ZKSCAN5: variants seen among roughly 807,000 people sequenced by gnomAD.
ZKSCAN5 encodes the protein zinc finger protein with KRAB and SCAN domains 5.
ZKSCAN5 carries 28 observed loss-of-function variants against 60.0 expected under a neutral mutation model. The ratio of observed to expected loss-of-function variants is 0.47; its 90% CI spans 0.35 to 0.64. ZKSCAN5 has a LOEUF of 0.64. ZKSCAN5 is among the 30% of genes least tolerant of loss of function. ZKSCAN5 has a pLI of 0.01. For missense variants in ZKSCAN5, 881 were observed against 1,034.6 expected, an observed-to-expected ratio of 0.85 and a Z score of 2.04; for synonymous variants, 361 against 371.2, an observed-to-expected ratio of 0.97 and a Z score of 0.31.
intron 2 of ZKSCAN5, 74 bp downstream of exon 2, chr7:99,506,532 A>G: frequency 6.7e-7 from 1 of 1,486,616 alleles, no homozygotes. Context: ...TGAGATTCTT[A>G]GTCCTCTGCT....
At position 99,533,759 on chromosome 7, in the gene ZKSCAN5, C is replaced by A; in HGVS notation, c.*1510C>A. On this transcript the variant is annotated 3_prime_UTR_variant, in exon 7 of 7. Transcript: ENST00000326775. Reference sequence around the variant, plus strand: ...CCTTCATCCGTGCTAAGCTCTCTCCCTTCTCTATCCTGTTTCATTCCCTCC... The same window carrying A: ...CCTTCATCCGTGCTAAGCTCTCTCCATTCTCTATCCTGTTTCATTCCCTCC... The A allele has an allele frequency of 2.5e-6, 1 of 397,786 alleles. No homozygotes were observed. The highest frequency in any genetic ancestry group is 1.4e-4 in the South Asian group (1 of 7,116). The allele number at this position is 397,786 out of a possible 1,614,324, so 24.6% of individuals were successfully genotyped here. A position where few individuals can be genotyped will look rare whatever the true frequency, so the allele number is the denominator to read the frequency against.
At chr7:99,520,475 T>G (rs1156275787) in intron 5 of ZKSCAN5, among the ~76,000 whole-genome samples, 171 bp downstream of exon 5, 1 of 152,102 alleles carries the variant, frequency 6.6e-6, no homozygotes, top group Non-Finnish European at 1.5e-5. Flanking sequence ...CTTATTCAGT[T>G]TATTCTGATC....
rs369696699 is a variant in ZKSCAN5 at position 99,531,820 on chromosome 7, A to G, written c.2091A>G (p.Ala697=). 4.5e-5 allele frequency: 72 copies of G among 1,614,110 alleles called. No individual in the cohort carries two copies. Among genetic ancestry groups the G allele is most frequent in the Non-Finnish European group, 5.8e-5 (68 of 1,180,054 alleles). ...KNEKNGICEE[A]YSWNLTVIED... is the part of the protein sequence containing the mutation. ...AAAAAAATGGCATCTGTGAGGAAGCATATAGTTGGAACTTGACAGTGATTG... is the reference window on the plus strand; with the variant it reads ...AAAAAAATGGCATCTGTGAGGAAGCGTATAGTTGGAACTTGACAGTGATTG... The change falls in exon 7 of 7, where the codon GCA becomes GCG. Residue 697 remains alanine (A), a synonymous_variant. Coordinates refer to ENST00000326775, the MANE Select transcript of ZKSCAN5 (RefSeq NM_145102.4).
At chr7:99,523,300 C>T (rs1801626803) in intron 5 of ZKSCAN5, among the ~76,000 whole-genome samples, 1 of 151,800 alleles carries the variant, frequency 6.6e-6, no homozygotes, top group Admixed American at 6.6e-5. Flanking sequence ...AGACATGTCT[C>T]CACTGAGAGA....
chr7:99,518,768 T>A (rs1316309321), intron 3 of ZKSCAN5, among the ~76,000 whole-genome samples: 1 of 130,800 alleles, frequency 7.6e-6, no homozygotes, highest in Non-Finnish European at 1.6e-5. Context: ...CTCCGCCTCC[T>A]GGGTTCAAGT....
intron 2 of ZKSCAN5, among the ~76,000 whole-genome samples, chr7:99,511,380 G>C (rs1801017158): frequency 6.6e-6 from 1 of 152,038 alleles, no homozygotes; most frequent in Non-Finnish European, 1.5e-5. Flanking sequence ...TCACACACTG[G>C]CCTTCTCATG....
chr7:99,519,320 C>T (rs1020951743), intron 3 of ZKSCAN5, among the ~76,000 whole-genome samples: 1 of 145,438 alleles, frequency 6.9e-6, no homozygotes, highest in African/African-American at 2.5e-5. Flanking sequence ...CTCTGTTGCC[C>T]AGGCTGGAGT....
chr7:99,530,494 C>T (rs890700550), intron 6 of ZKSCAN5, among the ~76,000 whole-genome samples: 1 of 151,874 alleles, frequency 6.6e-6, no homozygotes, highest in Non-Finnish European at 1.5e-5. Flanking sequence ...TGTCATTTGC[C>T]TACTTTTTGA....
In ZKSCAN5 at chr7:99,533,074, C is replaced by T. The variant is rs545680974; in HGVS notation, c.*825C>T. The T allele has an allele frequency of 9.9e-6, 3 of 303,190 alleles. No individual in the cohort carries two copies. The highest frequency in any genetic ancestry group is 2.1e-5 in the African/African-American group (1 of 46,980). The allele number at this position is 303,190 out of a possible 1,614,324, so 18.8% of individuals were successfully genotyped here. ...GGACTGTTTGATCTTGTATTACCCA[C>T]AGGAATGAGGGCAGCTAAACCCATA... On this transcript the variant is annotated 3_prime_UTR_variant, in exon 7 of 7. Coordinates refer to ENST00000326775, the MANE Select transcript of ZKSCAN5 (RefSeq NM_145102.4).
intron 3 of ZKSCAN5, among the ~76,000 whole-genome samples, chr7:99,519,056 A>G (rs190749929): frequency 1.4e-5 from 2 of 147,962 alleles, no homozygotes; most frequent in East Asian, 4.0e-4. Flanking sequence ...GCTCACTGTA[A>G]CCTCCACCTC....
At position 99,520,191 on chromosome 7, in the gene ZKSCAN5, T is replaced by C. The variant is rs765349514; in HGVS notation, c.659T>C (p.Val220Ala). 1 of 1,613,592 alleles carries C rather than the reference T, an allele frequency of 6.2e-7. No homozygotes were observed. Among genetic ancestry groups the C allele is most frequent in the Admixed American group, 1.7e-5 (1 of 59,798 alleles). ...CAGAAGTTGGTGAAAATTGAAGAGG[T>C]GGCTGATGTGGCTGTATCCTTCATC... ...GSQKLVKIEE[V>A]ADVAVSFILE... The change falls in exon 5 of 7, where the codon GTG becomes GCG. Residue 220 changes from valine (V) to alanine (A), a missense_variant. Val to Ala is a moderately conservative substitution (Grantham distance 64). Around this residue, in one of 5 missense-constraint regions of ZKSCAN5, gnomAD observed 490 missense variants for 554.5 expected, o/e 0.88. Coordinates refer to ENST00000326775, the MANE Select transcript of ZKSCAN5 (RefSeq NM_145102.4).
rs571479451 is a variant in ZKSCAN5, at chr7:99,530,000, C to T, written c.1379-1108C>T. Among the ~76,000 whole-genome samples, 5 of 138,830 alleles carry T rather than the reference C, an allele frequency of 3.6e-5. No homozygotes were observed. The South Asian group carries it at 1.1e-3, about 31-fold the overall frequency. 91.1% of individuals were successfully genotyped at this position (138,830 alleles called of 152,430 possible). On this transcript the variant is annotated intron_variant, in intron 6 of 6. Transcript: ENST00000326775. ...CCACCCACCTCGGCTTCCCAAAGTT[C>T]TGGGATTACAGGCGTGAGCCACCTG...
intron 3 of ZKSCAN5, among the ~76,000 whole-genome samples, chr7:99,519,025 G>C (rs1236024922): frequency 3.4e-5 from 5 of 147,904 alleles, no homozygotes; most frequent in Non-Finnish European, 5.9e-5. Flanking sequence ...ACCCAGGCTG[G>C]AGTGCAGTGG....
intron 5 of ZKSCAN5, among the ~76,000 whole-genome samples, chr7:99,525,463 C>A (rs2151113005): frequency 6.6e-6 from 1 of 152,150 alleles, no homozygotes; most frequent in East Asian, 1.9e-4. Context: ...CAGAGTGAGA[C>A]CCTGTCTCAA....
rs765059935 is a variant in ZKSCAN5, at chr7:99,532,248, A to G, written c.2519A>G (p.Ter840TrpextTer4). The G allele has an allele frequency of 6.4e-6, 10 of 1,552,286 alleles. No homozygotes were observed. In the South Asian group the frequency reaches 8.7e-5, roughly 14 times the overall value. Residue 840 changes from the stop codon to tryptophan (W), a stop_lost, in exon 7 of 7, where the codon TAG becomes TGG. Coordinates refer to ENST00000326775, the MANE Select transcript of ZKSCAN5 (RefSeq NM_145102.4). ...TTAAGTGTAGAGGGGTCTCTGTTGT[A>G]GAATAGCTCTTAATTTTAGAGAAAC... ...NTLSVEGSLL[*>W] is the part of the protein sequence containing the mutation.
Position 99,520,197 on chromosome 7 carries a change from A to C in ZKSCAN5, c.665A>C (p.Asp222Ala), listed in dbSNP as rs953017456. ...TTGGTGAAAATTGAAGAGGTGGCTGATGTGGCTGTATCCTTCATCCTGGAG... is the reference window on the plus strand; with the variant it reads ...TTGGTGAAAATTGAAGAGGTGGCTGCTGTGGCTGTATCCTTCATCCTGGAG... ...QKLVKIEEVA[D>A]VAVSFILEEW... The change falls in exon 5 of 7, where the codon GAT becomes GCT. Residue 222 changes from aspartate (D) to alanine (A), a missense_variant. Asp to Ala is a moderately radical substitution (Grantham distance 126). Coordinates refer to ENST00000326775, the MANE Select transcript of ZKSCAN5 (RefSeq NM_145102.4). The C allele has an allele frequency of 4.3e-6, 7 of 1,613,756 alleles. No individual in the cohort carries two copies.
chr7:99,532,024 A>T lies in ZKSCAN5; in HGVS notation c.2295A>T (p.Lys765Asn), dbSNP rs1802073496. 2 of 1,614,086 alleles carry T rather than the reference A, an allele frequency of 1.2e-6. No homozygotes were observed. Among genetic ancestry groups the T allele is most frequent in the Admixed American group, 3.3e-5 (2 of 60,008 alleles). Residue 765 changes from lysine to asparagine, a missense_variant, in exon 7 of 7, where the codon AAA becomes AAT. Lys to Asn is a moderately conservative substitution (Grantham distance 94). Coordinates refer to ENST00000326775, the MANE Select transcript of ZKSCAN5 (RefSeq NM_145102.4). Reference protein sequence around the residue: ...GQCSHTKQHQKIYSSTKSHQC... With the variant: ...GQCSHTKQHQNIYSSTKSHQC... ...GTTCCCACACCAAACAACATCAAAAAATCTACTCCAGCACAAAATCCCATC... is the reference window on the plus strand; with the variant it reads ...GTTCCCACACCAAACAACATCAAAATATCTACTCCAGCACAAAATCCCATC...
chr7:99,516,826 C>T (rs1275341967), intron 3 of ZKSCAN5, among the ~76,000 whole-genome samples: 1 of 152,182 alleles, frequency 6.6e-6, no homozygotes, highest in Non-Finnish European at 1.5e-5. Flanking sequence ...TCCTGCTCCA[C>T]TCTGTAAGTG....
Position 99,531,654 on chromosome 7 carries a change from T to A in ZKSCAN5, c.1925T>A (p.Phe642Tyr), listed in dbSNP as rs1802051013. 1 of 1,614,098 alleles carries A rather than the reference T, an allele frequency of 6.2e-7. No homozygotes were observed. Among genetic ancestry groups the A allele is most frequent in the Admixed American group, 1.7e-5 (1 of 59,996 alleles). The stretch of plus-strand genomic sequence containing the variant: ...AAGTGTAACGAATGTGGGAAAGGCT[T>A]TGGGAGGCGTTCCCACCTGGCTGGA... ...PFKCNECGKG[F>Y]GRRSHLAGHL... The change falls in exon 7 of 7, where the codon TTT (phenylalanine) becomes TAT (tyrosine). Residue 642 changes from phenylalanine to tyrosine, a missense_variant. Phe to Tyr is a conservative substitution (Grantham distance 22, BLOSUM62 3). Around this residue, in one of 5 missense-constraint regions of ZKSCAN5, gnomAD observed 112 missense variants for 182.4 expected, o/e 0.61. Coordinates refer to ENST00000326775, the MANE Select transcript of ZKSCAN5 (RefSeq NM_145102.4).
Sources: allele counts gnomAD v4.1 joint callset (sites outside exome capture counted in the v4.1 genomes callset), GRCh38; gene constraint gnomAD v4.1.1; regional missense constraint gnomAD v4.1.1; transcripts MANE v1.5; gene names NCBI Gene and HGNC (gene_info 2026-07-23, HGNC 2026-07-21).